The following CHLSN variants were observed in gnomAD, a reference collection of about 807,000 sequenced individuals.
The protein encoded by CHLSN is protein cholesin.
At chr7:994,489 C>T in the CHLSN span, among the ~76,000 whole-genome samples, 6 of 151,968 alleles carry the variant, frequency 3.9e-5, no homozygotes, top group Non-Finnish European at 7.4e-5. Flanking sequence ...TTTTAGATGC[C>T]GGCTCTTGCT....
chr7:1,051,005 C>T, the CHLSN span, among the ~76,000 whole-genome samples: 1 of 152,236 alleles, frequency 6.6e-6, no homozygotes, highest in African/African-American at 2.4e-5. Context: ...ACCCCACAGG[C>T]CAGCAGAGGC....
the CHLSN span, among the ~76,000 whole-genome samples, chr7:1,101,140 C>A: frequency 6.6e-6 from 1 of 152,278 alleles, no homozygotes; most frequent in African/African-American, 2.4e-5. Context: ...TACGTGCGCA[C>A]ACTCCCGCAG....
chr7:988,190 G>A, the CHLSN span: 2 of 1,432,366 alleles, frequency 1.4e-6, no homozygotes, highest in Non-Finnish European at 1.9e-6. Flanking sequence ...TGTGGCAGGA[G>A]CTACATCCTG....
chr7:1,120,074 A>G, the CHLSN span, among the ~76,000 whole-genome samples: 1 of 152,176 alleles, frequency 6.6e-6, no homozygotes, highest in Non-Finnish European at 1.5e-5. Context: ...TACATCAATT[A>G]TATCTCAATA....
At chr7:1,118,199 G>A in the CHLSN span, among the ~76,000 whole-genome samples, 1 of 152,176 alleles carries the variant, frequency 6.6e-6, no homozygotes, top group Non-Finnish European at 1.5e-5. Flanking sequence ...GAATTATATG[G>A]TCATATTAAA....
chr7:1,081,784 C>T, the CHLSN span, among the ~76,000 whole-genome samples: 18 of 148,482 alleles, frequency 1.2e-4, 1 homozygote, highest in South Asian at 3.5e-3. Flanking sequence ...GGAGGCCTCT[C>T]GAACCCATGG....
chr7:996,464 C>T, the CHLSN span, among the ~76,000 whole-genome samples: 17 of 152,328 alleles, frequency 1.1e-4, no homozygotes, highest in African/African-American at 3.1e-4. Flanking sequence ...AGCACTGAGA[C>T]GGCAGCACAA....
At chr7:1,016,523 ACACACCAGCACAAAGCAGCG>A in the CHLSN span, among the ~76,000 whole-genome samples, 3 of 136,460 alleles carry the variant, frequency 2.2e-5, no homozygotes, top group Admixed American at 7.3e-5. Context: ...GCACAGCAGC[ACACACCAGCACAAAGCAGCG>A]CACGCCAGCG....
the CHLSN span, chr7:987,651 G>A: frequency 9.1e-3 from 9,323 of 1,019,768 alleles, 70 homozygotes; most frequent in Non-Finnish European, 0.011. Context: ...CTCCCCGACC[G>A]GAGGCAATAA....
At chr7:984,163 T>C in the CHLSN span, among the ~76,000 whole-genome samples, 2 of 152,168 alleles carry the variant, frequency 1.3e-5, no homozygotes, top group Non-Finnish European at 2.9e-5. Context: ...CCCAGGAATT[T>C]TGGCTAAAAA....
At chr7:1,058,671 A>T in the CHLSN span, 1 of 608,576 alleles carries the variant, frequency 1.6e-6, no homozygotes, top group East Asian at 2.8e-5. Context: ...CACAAATGCC[A>T]CTCTTGGGCC....
At chr7:1,066,476 C>T in the CHLSN span, among the ~76,000 whole-genome samples, 14 of 152,244 alleles carry the variant, frequency 9.2e-5, no homozygotes, top group Admixed American at 3.3e-4. Context: ...CCTTTCCCTT[C>T]CCTACAAACT....
At chr7:1,027,986 C>G in the CHLSN span, among the ~76,000 whole-genome samples, 1 of 151,402 alleles carries the variant, frequency 6.6e-6, no homozygotes, top group African/African-American at 2.4e-5. Context: ...CACCCTGCCA[C>G]CCGCGGCCCG....
chr7:1,091,815 C>T, the CHLSN span: 124 of 1,597,346 alleles, frequency 7.8e-5, no homozygotes, highest in African/African-American at 2.4e-4. Context: ...CCACCTCCCC[C>T]GAGCTCAACC....
chr7:1,063,898 C>T, the CHLSN span, among the ~76,000 whole-genome samples: 1 of 152,070 alleles, frequency 6.6e-6, no homozygotes. Context: ...GCGAGCTCTA[C>T]CACACCACAG....
At chr7:1,013,383 C>T in the CHLSN span, among the ~76,000 whole-genome samples, 1 of 152,224 alleles carries the variant, frequency 6.6e-6, no homozygotes, top group Non-Finnish European at 1.5e-5. Flanking sequence ...TTAAAAGAAT[C>T]CCAGTGTCAA....
At chr7:1,133,409 A>AAAAAAAAAAAAAC in the CHLSN span, among the ~76,000 whole-genome samples, 1 of 149,546 alleles carries the variant, frequency 6.7e-6, no homozygotes. Context: ...AAAAAAAAAA[A>AAAAAAAAAAAAAC]AAAACTATAA....
the CHLSN span, among the ~76,000 whole-genome samples, chr7:1,136,275 A>AT: frequency 2.6e-5 from 3 of 115,428 alleles, no homozygotes; most frequent in South Asian, 2.7e-4. Flanking sequence ...ATAAATATAT[A>AT]AAATATATAT....
At chr7:1,023,752 G>C in the CHLSN span, among the ~76,000 whole-genome samples, 4 of 152,008 alleles carry the variant, frequency 2.6e-5, no homozygotes, top group Non-Finnish European at 4.4e-5. The surrounding 1 kb of genome is among the most constrained non-coding windows in gnomAD (Gnocchi z 5.0). Flanking sequence ...GGATCTCCAG[G>C]GGTGACTGCT....
Sources: gnomAD v4.1 joint callset for allele counts (sites outside exome capture counted in the v4.1 genomes callset) on GRCh38, gnomAD v4.1.1 for gene constraint, Gnocchi (gnomAD v3.1) non-coding constraint, MANE v1.5 for transcripts, NCBI Gene and HGNC (gene_info 2026-07-23, HGNC 2026-07-21) for gene names.